Variants in KLF12 observed in about 807,000 individuals in gnomAD.
The protein encoded by KLF12 is Krueppel-like factor 12.
In KLF12, 9 loss-of-function variants were observed where a neutral mutation model predicts 37.8. That is an observed-to-expected ratio of 0.24 (90% CI 0.14 to 0.42). The LOEUF (loss-of-function observed/expected upper bound fraction) is 0.42, where lower values mean the gene tolerates loss of function less well. KLF12 is among the 10% of genes least tolerant of loss of function. KLF12 has a pLI of 1.00. For synonymous variants in KLF12, 208 were observed against 202.1 expected, an observed-to-expected ratio of 1.03 and a Z score of -0.25; for missense variants, 411 against 516.0, an observed-to-expected ratio of 0.80 and a Z score of 1.97.
intron 3 of KLF12, among the ~76,000 whole-genome samples, chr13:73,931,484 G>C (rs544915461): frequency 6.6e-6 from 1 of 151,962 alleles, no homozygotes; most frequent in African/African-American, 2.4e-5. Context: ...CAGTATAGAA[G>C]TCAGAAGCTA....
the KLF12 span, among the ~76,000 whole-genome samples, chr13:74,194,360 AC>A: frequency 6.6e-6 from 1 of 152,148 alleles, no homozygotes. Flanking sequence ...AATACCTGAG[AC>A]TGGGTAATTT....
chr13:73,932,343 AAC>A (rs369654216), intron 3 of KLF12, among the ~76,000 whole-genome samples: 179 of 152,290 alleles, frequency 1.2e-3, no homozygotes, highest in African/African-American at 3.3e-3. Context: ...AATGACACTG[AAC>A]ACAGTTTCCT....
the KLF12 span, among the ~76,000 whole-genome samples, chr13:74,212,331 C>A: frequency 6.6e-6 from 1 of 152,098 alleles, no homozygotes; most frequent in Non-Finnish European, 1.5e-5. Flanking sequence ...GCCAACTTTT[C>A]GGTGCACATA....
the KLF12 span, among the ~76,000 whole-genome samples, chr13:74,151,098 G>GT: frequency 6.6e-6 from 1 of 152,152 alleles, no homozygotes; most frequent in Admixed American, 6.5e-5. Flanking sequence ...TAGGCAATAA[G>GT]TTTTTTAGCG....
At chr13:73,976,152 G>T (rs1483775458) in intron 2 of KLF12, among the ~76,000 whole-genome samples, 92 of 143,490 alleles carry the variant, frequency 6.4e-4, no homozygotes, top group East Asian at 3.5e-3. Context: ...TTGTTTTGGG[G>T]TTTTTTTTTT....
At chr13:73,938,683 T>TGGTGATATAGGAATTAA (rs1890058840) in intron 3 of KLF12, among the ~76,000 whole-genome samples, 1 of 152,198 alleles carries the variant, frequency 6.6e-6, no homozygotes, top group Non-Finnish European at 1.5e-5. Flanking sequence ...AGGAATAGCT[T>TGGTGATATAGGAATTAA]CAACACCTTG....
intron 4 of KLF12, among the ~76,000 whole-genome samples, chr13:73,841,837 G>A (rs985173278): frequency 1.3e-5 from 2 of 152,102 alleles, no homozygotes; most frequent in Non-Finnish European, 2.9e-5. Flanking sequence ...TTGTCCTTAG[G>A]TATCAAGTGG....
At chr13:73,828,898 G>A (rs968582657) in intron 4 of KLF12, among the ~76,000 whole-genome samples, 3 of 152,024 alleles carry the variant, frequency 2.0e-5, no homozygotes, top group African/African-American at 7.3e-5. Flanking sequence ...TTCCAAGAGT[G>A]CATTTTTTAA....
At chr13:74,153,398 C>A in the KLF12 span, among the ~76,000 whole-genome samples, 1 of 152,164 alleles carries the variant, frequency 6.6e-6, no homozygotes, top group Non-Finnish European at 1.5e-5. Flanking sequence ...GTCATCTGGT[C>A]CAGAGGTTAC....
chr13:73,793,537 A>C (rs1165284036), intron 5 of KLF12, among the ~76,000 whole-genome samples: 1 of 152,232 alleles, frequency 6.6e-6, no homozygotes, highest in Non-Finnish European at 1.5e-5. Context: ...AGGCCACAAT[A>C]AGAGTTAATA....
At chr13:73,878,621 T>G (rs550882553) in intron 3 of KLF12, among the ~76,000 whole-genome samples, 6 of 152,176 alleles carry the variant, frequency 3.9e-5, no homozygotes, top group Non-Finnish European at 8.8e-5. Context: ...ACATAAGATA[T>G]AATTTCCTAA....
chr13:73,727,745 TGC>T (rs1876767576), intron 6 of KLF12, among the ~76,000 whole-genome samples: 1 of 151,918 alleles, frequency 6.6e-6, no homozygotes, highest in Non-Finnish European at 1.5e-5. Flanking sequence ...TGGCCCAGGC[TGC>T]AGTGCAGTGG....
the KLF12 span, among the ~76,000 whole-genome samples, chr13:74,228,499 C>T: frequency 6.6e-6 from 1 of 152,044 alleles, no homozygotes; most frequent in Non-Finnish European, 1.5e-5. Context: ...CCAGTTGCAT[C>T]ACTTTGTGAG....
intron 1 of KLF12, among the ~76,000 whole-genome samples, chr13:74,031,308 C>T (rs1175984661): frequency 6.6e-6 from 1 of 152,268 alleles, no homozygotes; most frequent in East Asian, 1.9e-4. Flanking sequence ...ACTCAACAAA[C>T]AGACTGTGTC....
the KLF12 span, among the ~76,000 whole-genome samples, chr13:74,295,028 T>A: frequency 1.3e-5 from 2 of 152,208 alleles, no homozygotes; most frequent in African/African-American, 4.8e-5. Context: ...TGGGCTGGAA[T>A]ACAAACTCCT....
intron 3 of KLF12, among the ~76,000 whole-genome samples, chr13:73,874,536 T>A (rs1257210931): frequency 6.6e-6 from 1 of 152,228 alleles, no homozygotes; most frequent in Non-Finnish European, 1.5e-5. Flanking sequence ...TGCAGTGATG[T>A]CTGTCTATTC....
the KLF12 span, among the ~76,000 whole-genome samples, chr13:74,248,274 G>A: frequency 5.9e-5 from 9 of 152,156 alleles, no homozygotes; most frequent in African/African-American, 2.2e-4. Flanking sequence ...AATGGTGAGG[G>A]AGAAGATGCT....
chr13:73,885,553 T>A (rs911747163), intron 3 of KLF12, among the ~76,000 whole-genome samples: 1 of 152,158 alleles, frequency 6.6e-6, no homozygotes, highest in African/African-American at 2.4e-5. Context: ...CAGATGTACT[T>A]TAAAACAGGT....
intron 1 of KLF12, among the ~76,000 whole-genome samples, chr13:74,095,993 C>T (rs1489978480): frequency 6.6e-6 from 1 of 152,148 alleles, no homozygotes; most frequent in African/African-American, 2.4e-5. Flanking sequence ...GGTCTCTCCA[C>T]CTAGATCCCC....
Sources: gnomAD v4.1 joint callset for allele counts (sites outside exome capture counted in the v4.1 genomes callset) on GRCh38, gnomAD v4.1.1 for gene constraint, MANE v1.5 for transcripts, NCBI Gene and HGNC (gene_info 2026-07-23, HGNC 2026-07-21) for gene names.